F13A1: variants seen among roughly 807,000 people sequenced by gnomAD.
F13A1 encodes coagulation factor XIII A chain.
In F13A1, 47 loss-of-function variants were observed where a neutral mutation model predicts 80.1. The ratio of observed to expected loss-of-function variants is 0.59; its 90% CI spans 0.46 to 0.75. The LOEUF is 0.75. F13A1 is among the 30% of genes least tolerant of loss of function. The pLI is 0.00. For synonymous variants in F13A1, 349 were observed against 344.9 expected (o/e 1.01, Z -0.13); for missense variants, 817 against 930.4 (o/e 0.88, Z 1.59).
chr6:6,171,504 C>T (rs1182364513), intron 12 of F13A1, among the ~76,000 whole-genome samples: 1 of 152,188 alleles, frequency 6.6e-6, no homozygotes, highest in Non-Finnish European at 1.5e-5. Context: ...TCAGCACATG[C>T]CCAGATCGGA....
chr6:6,240,517 G>A (rs1043561998), intron 6 of F13A1, among the ~76,000 whole-genome samples: 4 of 152,096 alleles, frequency 2.6e-5, no homozygotes, highest in Admixed American at 6.6e-5. Context: ...TGAATTAGTG[G>A]GGCCAGGCAA....
intron 3 of F13A1, among the ~76,000 whole-genome samples, chr6:6,282,564 C>T (rs755382659): frequency 1.3e-5 from 2 of 152,096 alleles, no homozygotes; most frequent in African/African-American, 2.4e-5. Context: ...CAGGGGTAAC[C>T]CCAACAGTCA....
chr6:6,243,904 C>T lies in F13A1; in HGVS notation c.798+4408G>A, dbSNP rs1583090887. Among the ~76,000 whole-genome samples the T allele has an allele frequency of 6.6e-6, 1 of 152,216 alleles. No individual in the cohort carries two copies. Among genetic ancestry groups the T allele is most frequent in the Non-Finnish European group, 1.5e-5 (1 of 68,040 alleles). ...TTATCTGCAGTAGCGGCAGCCTTTG[C>T]AGAAGCAGCTGCATCTCCTTGGGGG... On this transcript the variant is annotated intron_variant, in intron 6 of 14. Coordinates refer to ENST00000264870, the MANE Select transcript of F13A1 (RefSeq NM_000129.4). This position sits in a 1 kb window ranked among gnomAD's most constrained non-coding sequence, Gnocchi z 4.2.
chr6:6,210,324 G>GATTATATATATATATATATATATATATAT (rs1554100764), intron 8 of F13A1, among the ~76,000 whole-genome samples: 1 of 82,906 alleles, frequency 1.2e-5, no homozygotes, highest in African/African-American at 5.0e-5. Flanking sequence ...TGTAGCATGT[G>GATTATATATATATATATATATATATATAT]ATATATATAT....
intron 8 of F13A1, among the ~76,000 whole-genome samples, chr6:6,219,650 G>A (rs569523393): frequency 2.6e-5 from 4 of 152,276 alleles, no homozygotes; most frequent in Admixed American, 6.5e-5. Context: ...GGGACAGCCC[G>A]CACTAACCTC....
rs1757092901 is a variant in F13A1 at position 6,216,663 on chromosome 6, C to G, written c.1112+5370G>C. ...CACCAAAAGCAATGGCAACAAAAGC[C>G]AAAATTGACAAATGGGATCTAATGA... On this transcript the variant is annotated intron_variant, in intron 8 of 14. Coordinates refer to ENST00000264870, the MANE Select transcript of F13A1 (RefSeq NM_000129.4). 2.0e-5 allele frequency among the ~76,000 whole-genome samples: 3 copies of G among 148,844 alleles called. No individual in the cohort carries two copies. The South Asian group carries it at 6.3e-4, about 31-fold the overall frequency.
At chr6:6,313,280 CTTT>C (rs5874027) in intron 2 of F13A1, among the ~76,000 whole-genome samples, 25 of 126,730 alleles carry the variant, frequency 2.0e-4, no homozygotes, top group Middle Eastern at 4.1e-3. Context: ...GCTAAGCCGC[CTTT>C]TTTTTTTTTT....
At chr6:6,314,615 T>C (rs1261026315) in intron 2 of F13A1, among the ~76,000 whole-genome samples, 1 of 152,234 alleles carries the variant, frequency 6.6e-6, no homozygotes, top group Non-Finnish European at 1.5e-5. Flanking sequence ...CATTGATTTC[T>C]GTTATTTCAC....
chr6:6,293,724 A>C lies in F13A1; in HGVS notation c.319+11627T>G, dbSNP rs148687512. 7.4e-3 allele frequency among the ~76,000 whole-genome samples: 1,082 copies of C among 145,920 alleles called. 16 individuals are homozygous for C. Among genetic ancestry groups the C allele is most frequent in the African/African-American group, 0.026 (1,033 of 40,102 alleles). On this transcript the variant is annotated intron_variant, in intron 3 of 14. Coordinates refer to ENST00000264870, the MANE Select transcript of F13A1 (RefSeq NM_000129.4). The stretch of plus-strand genomic sequence containing the variant: ...TTTAGAAAGAAAGAAGGAAGAAGGA[A>C]AGAAGGGAGGAAGGGAGGAAGGGAG...
chr6:6,180,973 C>T (rs1760972598), intron 11 of F13A1, among the ~76,000 whole-genome samples: 1 of 152,190 alleles, frequency 6.6e-6, no homozygotes, highest in Non-Finnish European at 1.5e-5. Context: ...CTCCTAAGAA[C>T]CTCTGGCAGT....
chr6:6,275,950 G>A (rs545561691), intron 3 of F13A1, among the ~76,000 whole-genome samples: 1 of 152,322 alleles, frequency 6.6e-6, no homozygotes, highest in African/African-American at 2.4e-5. Context: ...CTACAATGTA[G>A]ACAAAGTTGG....
intron 2 of F13A1, 66 bp from the exon 3 acceptor site, chr6:6,305,605 A>G: frequency 6.5e-7 from 1 of 1,548,070 alleles, no homozygotes; most frequent in Non-Finnish European, 8.9e-7. Context: ...CATAAACTCA[A>G]AAACAAGATT....
At chr6:6,217,440 A>G (rs1757112441) in intron 8 of F13A1, among the ~76,000 whole-genome samples, 1 of 149,550 alleles carries the variant, frequency 6.7e-6, no homozygotes, top group Non-Finnish European at 1.5e-5. Flanking sequence ...AAAAAACCAA[A>G]CACCGCATAT....
At chr6:6,207,376 C>A (rs933090088) in intron 8 of F13A1, among the ~76,000 whole-genome samples, 2 of 152,140 alleles carry the variant, frequency 1.3e-5, no homozygotes, top group Non-Finnish European at 2.9e-5. Flanking sequence ...CTGAATCAGC[C>A]CTATTCATAT....
intron 13 of F13A1, among the ~76,000 whole-genome samples, chr6:6,161,809 A>G (rs1277197465): frequency 2.0e-5 from 3 of 152,092 alleles, no homozygotes; most frequent in African/African-American, 7.3e-5. Context: ...CCCCATCTTT[A>G]TCACCACAGG....
rs115821724 is a variant in F13A1 at position 6,254,418 on chromosome 6, C to T, written c.572-3489G>A. Among the ~76,000 whole-genome samples the T allele has an allele frequency of 1.0e-2, 1,518 of 152,158 alleles. 31 individuals are homozygous for T. The highest frequency in any genetic ancestry group is 0.034 in the African/African-American group (1,428 of 41,484). ...AGTTGTAAACAAAACACCAAAACAA[C>T]ATGATATGACCATACCAAGCAGCCA... On this transcript the variant is annotated intron_variant, in intron 4 of 14. Coordinates refer to ENST00000264870, the MANE Select transcript of F13A1 (RefSeq NM_000129.4).
intron 13 of F13A1, among the ~76,000 whole-genome samples, chr6:6,155,037 T>A (rs908423340): frequency 1.3e-5 from 2 of 152,208 alleles, no homozygotes; most frequent in Admixed American, 6.5e-5. Flanking sequence ...ACATACACAG[T>A]GACAAATACA....
intron 8 of F13A1, among the ~76,000 whole-genome samples, chr6:6,211,333 G>C (rs991072212): frequency 3.3e-5 from 5 of 152,318 alleles, no homozygotes; most frequent in African/African-American, 1.2e-4. Context: ...TAATGCTAAG[G>C]CTCATGGTCT....
chr6:6,148,439 G>A (rs1047027179), intron 14 of F13A1, among the ~76,000 whole-genome samples: 1 of 152,132 alleles, frequency 6.6e-6, no homozygotes, highest in Admixed American at 6.5e-5. Context: ...CATCTGGCAG[G>A]GTGTGGGTGA....
Sources: gnomAD v4.1 joint callset for allele counts (sites outside exome capture counted in the v4.1 genomes callset) on GRCh38, gnomAD v4.1.1 for gene constraint, Gnocchi (gnomAD v3.1) non-coding constraint, MANE v1.5 for transcripts, NCBI Gene and HGNC (gene_info 2026-07-23, HGNC 2026-07-21) for gene names.